The following C9 variants were observed in gnomAD, a reference collection of about 807,000 sequenced individuals.
C9 encodes complement component C9.
In C9, 63 loss-of-function variants were observed where a neutral mutation model predicts 65.4. The observed-to-expected ratio is 0.96, with a 90% CI of 0.79 to 1.19. The LOEUF (loss-of-function observed/expected upper bound fraction) is 1.19. Among genes scored for constraint, C9 ranks in the 50% most tolerant of loss-of-function variants. C9 has a pLI of 0.00. For synonymous variants in C9, 229 were observed against 227.9 expected (o/e 1.00, Z -0.04); for missense variants, 744 against 670.1 (o/e 1.11, Z -1.22).
intron 4 of C9, 134 bp downstream of exon 4, chr5:39,341,012 C>A: frequency 9.7e-7 from 1 of 1,035,234 alleles, no homozygotes; most frequent in Non-Finnish European, 1.5e-6. Context: ...AAAGGTAGTT[C>A]AAAAATAATA....
At chr5:39,344,846 G>T (rs1386408317) in intron 1 of C9, among the ~76,000 whole-genome samples, 2 of 152,202 alleles carry the variant, frequency 1.3e-5, no homozygotes, top group East Asian at 3.8e-4. Context: ...CTACAAGCCA[G>T]AAGAGAGTGG....
At chr5:39,318,659 G>A (rs982155200) in intron 5 of C9, among the ~76,000 whole-genome samples, 17 of 151,954 alleles carry the variant, frequency 1.1e-4, no homozygotes, top group Non-Finnish European at 4.4e-5. Flanking sequence ...TCTGAATTAG[G>A]TATAACTCTT....
At chr5:39,285,303 C>A in intron 10 of C9, 70 bp from the exon 11 acceptor site, 1 of 1,188,886 alleles carries the variant, frequency 8.4e-7, no homozygotes, top group South Asian at 1.2e-5. Flanking sequence ...TCCACCCATC[C>A]GCTTTTTCAC....
At position 39,284,212 on chromosome 5, in the gene C9, C is replaced by A. The variant is rs182248809; in HGVS notation, c.*987G>T. The A allele has an allele frequency of 2.6e-5, 4 of 152,032 alleles. No individual in the cohort carries two copies. In the East Asian group the frequency reaches 7.7e-4, roughly 29 times the overall value. The allele number at this position is 152,032 out of a possible 1,614,324, so 9.4% of individuals were successfully genotyped here. A position where few individuals can be genotyped will look rare whatever the true frequency, so the allele number is the denominator to read the frequency against. ...AACATGATACATACTGATGTTTAAG[C>A]ATTTATTAATTCTCATTTTGCATTT... is the stretch of plus-strand genomic sequence containing the variant. On this transcript the variant is annotated 3_prime_UTR_variant, in exon 11 of 11. Coordinates refer to ENST00000263408, the MANE Select transcript of C9 (RefSeq NM_001737.5).
At chr5:39,348,439 A>G (rs1176658826) in intron 1 of C9, among the ~76,000 whole-genome samples, 2 of 152,256 alleles carry the variant, frequency 1.3e-5, no homozygotes, top group Non-Finnish European at 2.9e-5. Flanking sequence ...ATCACTAGCC[A>G]TCAGAGAAAC....
chr5:39,312,092 A>T (rs1579850847), intron 6 of C9, among the ~76,000 whole-genome samples: 1 of 152,110 alleles, frequency 6.6e-6, no homozygotes, highest in Non-Finnish European at 1.5e-5. Context: ...GTGTCTCTTC[A>T]TGATGGAATT....
chr5:39,333,935 G>C (rs952519247), intron 4 of C9, among the ~76,000 whole-genome samples: 2 of 152,190 alleles, frequency 1.3e-5, no homozygotes, highest in Admixed American at 6.5e-5. Context: ...CCAGGCTGGA[G>C]TGCAGTGGCG....
intron 1 of C9, among the ~76,000 whole-genome samples, chr5:39,363,592 C>T (rs114125649): frequency 0.017 from 2,567 of 152,252 alleles, 75 homozygotes; most frequent in African/African-American, 0.059. Flanking sequence ...AGTACTCTCC[C>T]CAGAACGGAT....
At chr5:39,315,672 C>A (rs2111896618) in intron 6 of C9, 103 bp downstream of exon 6, 1 of 850,956 alleles carries the variant, frequency 1.2e-6, no homozygotes, top group Non-Finnish European at 1.8e-6. Context: ...GAATTTGATC[C>A]ATGTTTCTTT....
At position 39,325,477 on chromosome 5, in the gene C9, T is replaced by C. The variant is rs1222266611; in HGVS notation, c.615+6199A>G. ...ACTTCTTTGGTAATCTCAGGCACCC[T>C]CAAGAATGCAATGATCGCCAGGCGC... On this transcript the variant is annotated intron_variant, in intron 5 of 10. Transcript: ENST00000263408. Among the ~76,000 whole-genome samples, 6 of 152,174 alleles carry C rather than the reference T, an allele frequency of 3.9e-5. 1 individual carries two copies. Among genetic ancestry groups the C allele is most frequent in the Admixed American group, 3.9e-4 (6 of 15,274 alleles).
chr5:39,289,186 A>G (rs1233323735), intron 9 of C9, among the ~76,000 whole-genome samples: 1 of 151,838 alleles, frequency 6.6e-6, no homozygotes, highest in African/African-American at 2.4e-5. Context: ...ATAATGATGC[A>G]TAAATTTCAA....
intron 6 of C9, 64 bp from the exon 7 acceptor site, chr5:39,311,441 T>C: frequency 1.3e-6 from 2 of 1,553,746 alleles, no homozygotes; most frequent in African/African-American, 1.4e-5. Flanking sequence ...AATGAAAATT[T>C]ATGAAATTTA....
chr5:39,315,492 T>C (rs372672650), intron 6 of C9, among the ~76,000 whole-genome samples: 3 of 152,310 alleles, frequency 2.0e-5, no homozygotes, highest in African/African-American at 7.2e-5. Flanking sequence ...CTGATGATCA[T>C]ATAAATTGAA....
At position 39,306,777 on chromosome 5, in the gene C9, T is replaced by G; in HGVS notation, c.1256A>C (p.Glu419Ala). ...TGAAACAACATCATCTATGAGGTTT[T>G]CACTGGTGATGTTTACTGAGGAGAG... Reference protein sequence around the residue: ...GEGRAVNITSENLIDDVVSLI... With the variant: ...GEGRAVNITSANLIDDVVSLI... The change falls in exon 9 of 11, where the codon GAA (glutamate) becomes GCA (alanine). Residue 419 changes from glutamate to alanine, a missense_variant. Transcript: ENST00000263408. 6.2e-7 allele frequency: 1 copy of G among 1,611,476 alleles called. No individual in the cohort carries two copies. The highest frequency in any genetic ancestry group is 1.1e-5 in the South Asian group (1 of 91,042).
At chr5:39,330,313 CAT>C (rs1753817678) in intron 5 of C9, among the ~76,000 whole-genome samples, 1 of 152,144 alleles carries the variant, frequency 6.6e-6, no homozygotes, top group Non-Finnish European at 1.5e-5. Context: ...TGCTGAAACA[CAT>C]GTGTTTCCAG....
intron 5 of C9, among the ~76,000 whole-genome samples, chr5:39,327,877 T>C (rs1753778052): frequency 6.6e-6 from 1 of 152,172 alleles, no homozygotes; most frequent in African/African-American, 2.4e-5. Context: ...AAGCTTGAGA[T>C]AGACTTGAAG....
intron 5 of C9, among the ~76,000 whole-genome samples, chr5:39,321,487 A>C (rs1753666617): frequency 6.6e-6 from 1 of 151,974 alleles, no homozygotes; most frequent in Non-Finnish European, 1.5e-5. Flanking sequence ...TCACAAAGGA[A>C]GATAGCAAGA....
chr5:39,315,782 G>A lies in C9; in HGVS notation c.863C>T (p.Ser288Leu), dbSNP rs1461047110. 1.9e-6 allele frequency: 3 copies of A among 1,597,302 alleles called. No individual in the cohort carries two copies. Among genetic ancestry groups the A allele is most frequent in the South Asian group, 2.2e-5 (2 of 90,568 alleles). Residue 288 changes from serine to leucine, a missense_variant, in exon 6 of 11, where the codon TCA becomes TTA. Physicochemically the swap from Ser to Leu is moderately radical, Grantham distance 145. Coordinates refer to ENST00000263408, the MANE Select transcript of C9 (RefSeq NM_001737.5). ...ETYQLFLSYSSKKEKMFLHVK... is the reference protein window; with the variant it reads ...ETYQLFLSYSLKKEKMFLHVK... Reference sequence around the variant, plus strand: ...TTAACTGTTTTGTCTTACCTTCTTTGAAGAATATGACAAAAATAGTTGGTA... The same window carrying A: ...TTAACTGTTTTGTCTTACCTTCTTTAAAGAATATGACAAAAATAGTTGGTA...
chr5:39,349,505 C>A (rs149921243), intron 1 of C9, among the ~76,000 whole-genome samples: 14 of 152,304 alleles, frequency 9.2e-5, no homozygotes, highest in African/African-American at 3.4e-4. Flanking sequence ...ATCCAAAGAA[C>A]AAGTCTTATC....
Sources: allele counts gnomAD v4.1 joint callset (sites outside exome capture counted in the v4.1 genomes callset), GRCh38; gene constraint gnomAD v4.1.1; transcripts MANE v1.5; gene names NCBI Gene and HGNC (gene_info 2026-07-23, HGNC 2026-07-21).